POLG: variants seen among roughly 807,000 people sequenced by gnomAD.
The protein encoded by POLG is DNA polymerase gamma, catalytic subunit, also known as DNA polymerase subunit gamma-1.
POLG carries 110 observed loss-of-function variants against 155.4 expected under a neutral mutation model. The ratio of observed to expected loss-of-function variants is 0.71; its 90% CI spans 0.61 to 0.83. The LOEUF (loss-of-function observed/expected upper bound fraction) is 0.83. Ranked by LOEUF, POLG falls within the 40% of genes least tolerant of loss-of-function variation. The probability of loss-of-function intolerance (pLI) is 0.00; values close to 1 mark genes in which losing one functional copy is unlikely to be tolerated. For synonymous variants in POLG, 701 were observed against 631.5 expected (o/e 1.11, Z -1.65); for missense variants, 1,685 against 1,627.5 (o/e 1.04, Z -0.61).
rs1367245840 is a variant in POLG at position 89,333,476 on chromosome 15, C to T, written c.279G>A (p.Glu93=). Reference sequence around the variant, plus strand: ...GGCGCACCGCGGCCTCGCCAGGCATCTCCCCTCCTTGCCCGAAGATTTGCT... The same window carrying T: ...GGCGCACCGCGGCCTCGCCAGGCATTTCCCCTCCTTGCCCGAAGATTTGCT... ...LHEQIFGQGG[E]MPGEAAVRRS... Residue 93 remains glutamate, a synonymous_variant, in exon 2 of 23, where the codon GAG becomes GAA. Coordinates refer to ENST00000268124, the MANE Select transcript of POLG (RefSeq NM_002693.3). 1.9e-6 allele frequency: 3 copies of T among 1,612,308 alleles called. No individual in the cohort carries two copies. Among genetic ancestry groups the T allele is most frequent in the Non-Finnish European group, 2.5e-6 (3 of 1,179,690 alleles).
At chr15:89,320,472 G>T (rs1348162642) in intron 18 of POLG, among the ~76,000 whole-genome samples, 1 of 152,154 alleles carries the variant, frequency 6.6e-6, no homozygotes, top group Non-Finnish European at 1.5e-5. Context: ...TGCAACCCCT[G>T]TATTATTGAT....
At chr15:89,332,953 A>C (rs1290320469) in intron 2 of POLG, 143 bp downstream of exon 2, 2 of 1,083,208 alleles carry the variant, frequency 1.8e-6, no homozygotes, top group Non-Finnish European at 2.5e-6. Context: ...CCACATAAAC[A>C]GGGGTCTAGT....
chr15:89,325,486 G>T lies in POLG; in HGVS notation c.1913C>A (p.Thr638Asn). 6.2e-7 allele frequency: 1 copy of T among 1,607,502 alleles called. No homozygotes were observed. ...RDNLAKLPTG[T>N]TLESAGVVCP... is the part of the protein sequence containing the mutation. ...GACCACCCCAGCTGACTCCAGGGTG[G>T]TACCTGTCGGCAGCTTGGCCAGGTT... The change falls in exon 10 of 23, where the codon ACC (threonine) becomes AAC (asparagine). Residue 638 changes from threonine (T) to asparagine (N), a missense_variant. Thr to Asn is a moderately conservative substitution (Grantham distance 65, BLOSUM62 0). Transcript: ENST00000268124.
At chr15:89,325,737 G>C in intron 9 of POLG, 51 bp from the exon 10 acceptor site, 1 of 1,368,246 alleles carries the variant, frequency 7.3e-7, no homozygotes, top group South Asian at 1.2e-5. Context: ...GGCAGTTGTT[G>C]GGGGGAAGGT....
At chr15:89,321,339 A>G (rs1383092431) in intron 16 of POLG, 79 bp from the exon 17 acceptor site, 2 of 1,528,330 alleles carry the variant, frequency 1.3e-6, no homozygotes, top group Non-Finnish European at 1.8e-6. Flanking sequence ...AAAGAGCTAG[A>G]GCCTTTCCTG....
rs1274983312 is a variant in POLG, at chr15:89,328,764, A to G, written c.1091T>C (p.Val364Ala). 4 of 1,613,982 alleles carry G rather than the reference A, an allele frequency of 2.5e-6. No individual in the cohort carries two copies. Among genetic ancestry groups the G allele is most frequent in the South Asian group, 1.1e-5 (1 of 91,088 alleles). ...CTCCTTCTCTAAGGGAGGCCCCCCT[A>G]CATAAAGTCTGTGCACCTCTGCCAG... ...NSLAEVHRLYVGGPPLEKEPR... is the reference protein window; with the variant it reads ...NSLAEVHRLYAGGPPLEKEPR... The change falls in exon 5 of 23, where the codon GTA becomes GCA. Residue 364 changes from valine (V) to alanine (A), a missense_variant. Val to Ala is a moderately conservative substitution (Grantham distance 64). This residue lies in a region of POLG where 1,210 missense variants were observed against 1,167.1 expected (regional missense o/e 1.04). Coordinates refer to ENST00000268124, the MANE Select transcript of POLG (RefSeq NM_002693.3).
rs1045150145 is a variant in POLG at position 89,321,247 on chromosome 15, C to A, written c.2612G>T (p.Gly871Val). Residue 871 changes from glycine to valine, a missense_variant, in exon 17 of 23, where the codon GGC (glycine) becomes GTC (valine). Gly to Val is a moderately radical substitution (Grantham distance 109). Transcript: ENST00000268124. ...TASNARPDRVGSELKAMVQAP... is the reference protein window; with the variant it reads ...TASNARPDRVVSELKAMVQAP... ...CTGCACCATGGCTTTCAACTCACTG[C>A]CTACTCGGTCAGGCTGTGGGAAGAG... is the stretch of plus-strand genomic sequence containing the variant. 1 of 1,614,126 alleles carries A rather than the reference C, an allele frequency of 6.2e-7. No individual in the cohort carries two copies.
At chr15:89,317,306 T>C in intron 22 of POLG, 70 bp downstream of exon 22, 2 of 1,523,052 alleles carry the variant, frequency 1.3e-6, no homozygotes, top group Non-Finnish European at 1.8e-6. Flanking sequence ...AAGTTTCCTG[T>C]TCTCCAAGAC....
At chr15:89,316,909 C>A in intron 22 of POLG, 82 bp from the exon 23 acceptor site, 1 of 993,988 alleles carries the variant, frequency 1.0e-6, no homozygotes, top group East Asian at 2.4e-5. Flanking sequence ...GAGCTTAATG[C>A]TAAGGTCAAA....
chr15:89,329,435 G>A (rs2055566864), intron 3 of POLG, among the ~76,000 whole-genome samples: 1 of 152,108 alleles, frequency 6.6e-6, no homozygotes, highest in African/African-American at 2.4e-5. Context: ...AAGCCTTCAG[G>A]GCTATCTGGT....
rs781247953 is a variant in POLG at position 89,328,907 on chromosome 15, G to A, written c.1023+36C>T. 6 of 1,614,052 alleles carry A rather than the reference G, an allele frequency of 3.7e-6. No individual in the cohort carries two copies. The Admixed American group carries it at 6.7e-5, about 18-fold the overall frequency. On this transcript the variant is annotated intron_variant, in intron 4 of 22. Transcript: ENST00000268124. ...ACGGGCTGGTGAGAGGGGGTCCCAA[G>A]CACTATGCTCCTGCCCACCGGCAGT...
Position 89,333,781 on chromosome 15 carries a change from G to T in POLG, c.-27C>A. 1 of 1,534,876 alleles carries T rather than the reference G, an allele frequency of 6.5e-7. No individual in the cohort carries two copies. Among genetic ancestry groups the T allele is most frequent in the Non-Finnish European group, 8.7e-7 (1 of 1,146,296 alleles). On this transcript the variant is annotated 5_prime_UTR_variant, in exon 2 of 23. Coordinates refer to ENST00000268124, the MANE Select transcript of POLG (RefSeq NM_002693.3). ...GTTGGTGCAGGGACCCCCACGCTGG[G>T]AGTCAGAACACCTGGCTTTGGGCTC...
intron 12 of POLG, 25 bp from the exon 13 acceptor site, chr15:89,323,536 A>G: frequency 6.9e-7 from 1 of 1,441,542 alleles, no homozygotes; most frequent in Non-Finnish European, 9.8e-7. Context: ...CACCTATATC[A>G]GGCCCTGCTC....
chr15:89,318,187 AAAAC>A (rs551492104), intron 21 of POLG: 60 of 238,276 alleles, frequency 2.5e-4, no homozygotes, highest in East Asian at 1.8e-3. Flanking sequence ...GGGAGAAAGA[AAAAC>A]AAACATCTCA....
rs1184256766 is a variant in POLG at position 89,328,682 on chromosome 15, T to C, written c.1170+3A>G. 1 of 1,614,062 alleles carries C rather than the reference T, an allele frequency of 6.2e-7. No homozygotes were observed. The highest frequency in any genetic ancestry group is 2.2e-5 in the East Asian group (1 of 44,876). Reference sequence around the variant, plus strand: ...GTCCCCAGAGCCCCCTCCAGCACCATACCTGGAAGTTCTCACGAATGTCCT... The same window carrying C: ...GTCCCCAGAGCCCCCTCCAGCACCACACCTGGAAGTTCTCACGAATGTCCT... On this transcript the variant is annotated splice_donor_region_variant and intron_variant, in intron 5 of 22. Coordinates refer to ENST00000268124, the MANE Select transcript of POLG (RefSeq NM_002693.3).
At chr15:89,332,137 A>C (rs1370787438) in intron 2 of POLG, 3 of 152,194 alleles carry the variant, frequency 2.0e-5, no homozygotes, top group African/African-American at 7.2e-5. Flanking sequence ...ACATATTCTA[A>C]GTAGTGTGAT....
chr15:89,322,128 A>T, intron 14 of POLG, 113 bp from the exon 15 acceptor site: 1 of 1,001,412 alleles, frequency 1.0e-6, no homozygotes, highest in South Asian at 1.3e-5. Flanking sequence ...TCCATTACCC[A>T]GCCTCACTAA....
At chr15:89,327,379 A>C in intron 6 of POLG, 30 bp from the exon 7 acceptor site, 1 of 1,608,634 alleles carries the variant, frequency 6.2e-7, no homozygotes, top group Non-Finnish European at 8.5e-7. Context: ...AGCTGCCATA[A>C]ATGACCACAG....
In POLG at chr15:89,319,457, A is replaced by T. The variant is rs901850461; in HGVS notation, c.2982-107T>A. 1.4e-5 allele frequency: 20 copies of T among 1,439,424 alleles called. No individual in the cohort carries two copies. In the African/African-American group the frequency reaches 2.7e-4, roughly 19 times the overall value. 89.2% of individuals were successfully genotyped at this position (1,439,424 alleles called of 1,614,324 possible). A position where few individuals can be genotyped will look rare whatever the true frequency, so the allele number is the denominator to read the frequency against. Reference sequence around the variant, plus strand: ...CACTTCAACTTTTAAAAACACTGACATCATGCCAGTCCCCTAAAGGCTTTT... The same window carrying T: ...CACTTCAACTTTTAAAAACACTGACTTCATGCCAGTCCCCTAAAGGCTTTT... On this transcript the variant is annotated intron_variant, in intron 18 of 22. Coordinates refer to ENST00000268124, the MANE Select transcript of POLG (RefSeq NM_002693.3).
Sources: gnomAD v4.1 joint callset for allele counts (sites outside exome capture counted in the v4.1 genomes callset) on GRCh38, gnomAD v4.1.1 for gene constraint, gnomAD v4.1.1 regional missense constraint, MANE v1.5 for transcripts, NCBI Gene and HGNC (gene_info 2026-07-23, HGNC 2026-07-21) for gene names.